Variants in JMJD1C observed in about 807,000 individuals in gnomAD.
The protein encoded by JMJD1C is jumonji domain-containing protein 1C.
A neutral mutation model predicts 245.3 loss-of-function variants in JMJD1C; 31 were observed. The observed-to-expected ratio is 0.13, with a 90% CI of 0.09 to 0.17. JMJD1C has a LOEUF of 0.17. Ranked by LOEUF, JMJD1C falls within the 10% of genes least tolerant of loss-of-function variation. The pLI is 1.00. For synonymous variants in JMJD1C, 1,057 were observed against 1,017.4 expected (o/e 1.04, Z -0.74); for missense variants, 2,691 against 3,000.2 (o/e 0.90, Z 2.41).
At position 63,208,768 on chromosome 10, in the gene JMJD1C, T is replaced by C; in HGVS notation, c.2901A>G (p.Leu967=). The change falls in exon 10 of 26, where the codon TTA becomes TTG. Residue 967 remains leucine (L), a synonymous_variant. Coordinates refer to ENST00000399262, the MANE Select transcript of JMJD1C (RefSeq NM_032776.3). ...TGGCTGATGTGGATGCAACAGACCG[T>C]AATGGTTCCATAAAAGCTTTTCTTT... The part of the protein sequence containing the change: ...ELERKAFMEP[L]RSVASTSAKN... 1.3e-6 allele frequency: 2 copies of C among 1,594,500 alleles called. No individual in the cohort carries two copies. Among genetic ancestry groups the C allele is most frequent in the African/African-American group, 1.4e-5 (1 of 73,854 alleles).
intron 2 of JMJD1C, among the ~76,000 whole-genome samples, chr10:63,332,378 G>A (rs1393625396): frequency 6.6e-6 from 1 of 152,190 alleles, no homozygotes; most frequent in Non-Finnish European, 1.5e-5. Context: ...AGATAATTCA[G>A]ATGCAGACAT....
chr10:63,496,351 A>G (rs1954366690), intron 1 of JMJD1C, among the ~76,000 whole-genome samples: 1 of 152,130 alleles, frequency 6.6e-6, no homozygotes, highest in African/African-American at 2.4e-5. Context: ...AACTTGAACT[A>G]TTTTTAAAAA....
chr10:63,197,347 C>T, intron 13 of JMJD1C, 64 bp downstream of exon 13: 1 of 1,352,806 alleles, frequency 7.4e-7, no homozygotes, highest in Non-Finnish European at 1.0e-6. Context: ...ATCTCATGTT[C>T]TAGAAGAGTG....
intron 1 of JMJD1C, among the ~76,000 whole-genome samples, chr10:63,489,009 T>C (rs146485082): frequency 5.1e-4 from 78 of 152,328 alleles, no homozygotes; most frequent in African/African-American, 1.8e-3. Flanking sequence ...CACCTCATGA[T>C]GTCATAGCTG....
chr10:63,282,151 A>G (rs577433427), intron 2 of JMJD1C, among the ~76,000 whole-genome samples: 4 of 152,318 alleles, frequency 2.6e-5, no homozygotes, highest in Middle Eastern at 3.4e-3. Flanking sequence ...CTTGTGCAGT[A>G]TAAGTCAACA....
intron 2 of JMJD1C, among the ~76,000 whole-genome samples, chr10:63,325,385 G>T (rs1941384636): frequency 6.6e-6 from 1 of 152,080 alleles, no homozygotes; most frequent in Non-Finnish European, 1.5e-5. Context: ...CTGTCACCCA[G>T]GATGGAGTGC....
chr10:63,434,417 G>A (rs770026921), intron 1 of JMJD1C, among the ~76,000 whole-genome samples: 2 of 152,162 alleles, frequency 1.3e-5, no homozygotes, highest in African/African-American at 2.4e-5. Context: ...AAAGAAGGGG[G>A]AAATCACATG....
chr10:63,221,025 G>A (rs1179304772), intron 3 of JMJD1C, among the ~76,000 whole-genome samples: 1 of 151,644 alleles, frequency 6.6e-6, no homozygotes, highest in Non-Finnish European at 1.5e-5. Context: ...GCAGGAGAAT[G>A]GTGTGAACCG....
chr10:63,212,804 G>T (rs1411765193), intron 8 of JMJD1C, among the ~76,000 whole-genome samples: 1 of 151,330 alleles, frequency 6.6e-6, no homozygotes, highest in Non-Finnish European at 1.5e-5. Flanking sequence ...TGGGAATTTG[G>T]CTGAGCAAAA....
intron 24 of JMJD1C, among the ~76,000 whole-genome samples, chr10:63,173,998 G>A (rs531325793): frequency 6.6e-6 from 1 of 152,240 alleles, no homozygotes; most frequent in Non-Finnish European, 1.5e-5. Context: ...AGACACCACT[G>A]TACACTTACT....
intron 22 of JMJD1C, among the ~76,000 whole-genome samples, chr10:63,181,786 A>G (rs1355789231): frequency 6.6e-6 from 1 of 152,220 alleles, no homozygotes. Flanking sequence ...TAAGTGCTAC[A>G]GGGAAAGATC....
intron 2 of JMJD1C, among the ~76,000 whole-genome samples, chr10:63,372,514 G>A (rs1946394247): frequency 6.6e-6 from 1 of 152,034 alleles, no homozygotes; most frequent in Admixed American, 6.6e-5. Flanking sequence ...TTTAAAATTG[G>A]TAACTCACAG....
intron 22 of JMJD1C, among the ~76,000 whole-genome samples, chr10:63,180,553 C>G (rs1843345726): frequency 6.6e-6 from 1 of 152,096 alleles, no homozygotes; most frequent in Non-Finnish European, 1.5e-5. Context: ...AAATTAAGGG[C>G]AATGTAAAAA....
chr10:63,286,282 C>T (rs1857970957), intron 2 of JMJD1C, among the ~76,000 whole-genome samples: 2 of 152,184 alleles, frequency 1.3e-5, no homozygotes, highest in African/African-American at 4.8e-5. Flanking sequence ...TCTAAGAATA[C>T]ACATATCTAA....
chr10:63,448,986 G>A (rs12241279), intron 1 of JMJD1C, among the ~76,000 whole-genome samples: 3,763 of 152,054 alleles, frequency 0.025, 161 homozygotes, highest in African/African-American at 0.085. Context: ...GTGCGGTGGC[G>A]TGTGCCTGTA....
chr10:63,458,009 TTAAGA>T (rs1233535238), intron 1 of JMJD1C, among the ~76,000 whole-genome samples: 13 of 152,162 alleles, frequency 8.5e-5, no homozygotes, highest in Non-Finnish European at 1.6e-4. Context: ...ATCAATGGGT[TTAAGA>T]TAATAATTTC....
intron 2 of JMJD1C, among the ~76,000 whole-genome samples, chr10:63,369,874 CCACTG>C (rs1262297101): frequency 3.9e-5 from 6 of 152,110 alleles, no homozygotes; most frequent in Non-Finnish European, 8.8e-5. Flanking sequence ...GAGGCTTTGG[CCACTG>C]GACAGTTTAA....
At chr10:63,436,403 A>C (rs1951060126) in intron 1 of JMJD1C, among the ~76,000 whole-genome samples, 1 of 152,224 alleles carries the variant, frequency 6.6e-6, no homozygotes, top group Non-Finnish European at 1.5e-5. Context: ...GAAGCTACTT[A>C]CTAGCTCTCT....
intron 25 of JMJD1C, 105 bp from the exon 26 acceptor site, chr10:63,168,239 A>G: frequency 9.7e-7 from 1 of 1,035,494 alleles, no homozygotes; most frequent in South Asian, 1.5e-5. Context: ...GGAAAGCCAA[A>G]TATAAGAAAA....
Sources: allele counts gnomAD v4.1 joint callset (sites outside exome capture counted in the v4.1 genomes callset), GRCh38; gene constraint gnomAD v4.1.1; transcripts MANE v1.5; gene names NCBI Gene and HGNC (gene_info 2026-07-23, HGNC 2026-07-21).